The following ERBB4 variants were observed in gnomAD, a reference collection of about 807,000 sequenced individuals.
The protein encoded by ERBB4 is receptor tyrosine-protein kinase erbB-4.
In ERBB4, 42 loss-of-function variants were observed where a neutral mutation model predicts 158.0. That is an observed-to-expected ratio of 0.27 (90% CI 0.21 to 0.34). The LOEUF is 0.34. Among genes scored for constraint, ERBB4 ranks in the 10% least tolerant of loss-of-function variants. The pLI, the probability that ERBB4 is intolerant of heterozygous loss-of-function variation, is 1.00. For synonymous variants in ERBB4, 583 were observed against 558.7 expected (o/e 1.04, Z -0.61); for missense variants, 1,333 against 1,624.1 (o/e 0.82, Z 3.08).
At chr2:211,591,005 A>G (rs1319842327) in intron 19 of ERBB4, among the ~76,000 whole-genome samples, 1 of 152,252 alleles carries the variant, frequency 6.6e-6, no homozygotes, top group Non-Finnish European at 1.5e-5. Context: ...CACTTAAGCA[A>G]CATAACTGAC....
At chr2:212,335,519 A>C (rs2106306080) in intron 1 of ERBB4, among the ~76,000 whole-genome samples, 1 of 152,046 alleles carries the variant, frequency 6.6e-6, no homozygotes, top group South Asian at 2.1e-4. Flanking sequence ...TGTATGAAAA[A>C]CCTTGTTAAG....
intron 1 of ERBB4, among the ~76,000 whole-genome samples, chr2:212,385,359 G>A (rs1382830609): frequency 2.0e-5 from 3 of 151,682 alleles, no homozygotes; most frequent in African/African-American, 7.2e-5. Flanking sequence ...GGAAATCAGT[G>A]GACAACAATG....
At chr2:211,898,693 C>T (rs948352119) in intron 3 of ERBB4, among the ~76,000 whole-genome samples, 1 of 152,092 alleles carries the variant, frequency 6.6e-6, no homozygotes, top group African/African-American at 2.4e-5. Context: ...CTGACATTTT[C>T]AGGATCATTA....
intron 2 of ERBB4, among the ~76,000 whole-genome samples, chr2:211,986,143 A>G (rs1282246239): frequency 2.0e-5 from 3 of 152,200 alleles, no homozygotes; most frequent in Admixed American, 6.5e-5. Flanking sequence ...GACTGCCAGC[A>G]ATCACAGAAG....
chr2:211,779,943 T>C (rs1327469390), intron 4 of ERBB4, among the ~76,000 whole-genome samples: 1 of 152,158 alleles, frequency 6.6e-6, no homozygotes, highest in African/African-American at 2.4e-5. Flanking sequence ...GCCTTCAAAA[T>C]GCCACATCTC....
chr2:211,574,729 A>C (rs1178239995), intron 19 of ERBB4, among the ~76,000 whole-genome samples: 1 of 152,240 alleles, frequency 6.6e-6, no homozygotes, highest in East Asian at 1.9e-4. Flanking sequence ...GGAGAAAGAA[A>C]TAATTATTAA....
intron 1 of ERBB4, among the ~76,000 whole-genome samples, chr2:212,235,471 T>C (rs974133231): frequency 2.0e-5 from 3 of 152,196 alleles, no homozygotes; most frequent in Non-Finnish European, 4.4e-5. Context: ...TCGTTCCATA[T>C]AAAATTTAAA....
chr2:211,666,516 C>T lies in ERBB4; in HGVS notation c.1717-1039G>A, dbSNP rs372360383. 1.8e-3 allele frequency among the ~76,000 whole-genome samples: 268 copies of T among 152,162 alleles called. 1 individual carries two copies. Among genetic ancestry groups the T allele is most frequent in the African/African-American group, 5.4e-3 (226 of 41,528 alleles). On this transcript the variant is annotated intron_variant, in intron 14 of 27. Transcript: ENST00000342788. ...AAACATATATGAATTTTACAGAATA[C>T]AAACTGATTTGGATCTGGTATAATG...
chr2:211,575,111 A>G (rs73076967), intron 19 of ERBB4, among the ~76,000 whole-genome samples: 4,766 of 152,292 alleles, frequency 0.031, 251 homozygotes, highest in African/African-American at 0.11. Flanking sequence ...TCCAGTTCAC[A>G]TTGCATCCAT....
intron 1 of ERBB4, among the ~76,000 whole-genome samples, chr2:212,521,375 G>A (rs1692153193): frequency 6.6e-6 from 1 of 151,748 alleles, no homozygotes; most frequent in Non-Finnish European, 1.5e-5. Flanking sequence ...TCCTCAAATA[G>A]TCTACTTAAA....
chr2:212,134,011 A>G (rs1049529339), intron 1 of ERBB4, among the ~76,000 whole-genome samples: 1 of 152,000 alleles, frequency 6.6e-6, no homozygotes, highest in Admixed American at 6.6e-5. Flanking sequence ...TTCTAGGATA[A>G]TTTTTTTCAA....
At chr2:211,471,337 C>G (rs750943434) in intron 20 of ERBB4, among the ~76,000 whole-genome samples, 1 of 152,046 alleles carries the variant, frequency 6.6e-6, no homozygotes, top group African/African-American at 2.4e-5. Flanking sequence ...AAAATCTGAG[C>G]AAATTTAAAT....
chr2:212,444,083 C>T (rs2092305055), intron 1 of ERBB4, among the ~76,000 whole-genome samples: 1 of 152,150 alleles, frequency 6.6e-6, no homozygotes, highest in Admixed American at 6.5e-5. Flanking sequence ...GCTCAAATGC[C>T]CATGGTCTCC....
intron 1 of ERBB4, among the ~76,000 whole-genome samples, chr2:212,353,015 T>TA (rs2089318624): frequency 6.6e-6 from 1 of 152,140 alleles, no homozygotes. Flanking sequence ...AAATAACTGT[T>TA]AAAAATCCTT....
intron 20 of ERBB4, among the ~76,000 whole-genome samples, chr2:211,506,389 C>T (rs185058596): frequency 5.3e-5 from 8 of 152,174 alleles, no homozygotes; most frequent in Admixed American, 2.6e-4. Flanking sequence ...TGTACCTAAA[C>T]TGGACTCTAG....
intron 1 of ERBB4, among the ~76,000 whole-genome samples, chr2:212,365,318 G>A (rs2089846697): frequency 6.6e-6 from 1 of 151,548 alleles, no homozygotes. Context: ...CTTTACAGTT[G>A]TTTTGGAATA....
intron 2 of ERBB4, among the ~76,000 whole-genome samples, chr2:212,091,873 A>G (rs1010761073): frequency 1.3e-5 from 2 of 152,208 alleles, no homozygotes; most frequent in African/African-American, 4.8e-5. Flanking sequence ...AAGGCAAAGC[A>G]AAATTTATTA....
chr2:212,520,527 T>C (rs946659109), intron 1 of ERBB4, among the ~76,000 whole-genome samples: 25 of 151,954 alleles, frequency 1.6e-4, no homozygotes, highest in African/African-American at 5.8e-4. Context: ...GCCCATATTG[T>C]TCTGGAGCAC....
chr2:212,326,792 T>C (rs1363831886), intron 1 of ERBB4, among the ~76,000 whole-genome samples: 1 of 150,846 alleles, frequency 6.6e-6, no homozygotes, highest in African/African-American at 2.4e-5. Flanking sequence ...AGATTGGTAT[T>C]CTAGATCCAA....
Sources: gnomAD v4.1 joint callset for allele counts (sites outside exome capture counted in the v4.1 genomes callset) on GRCh38, gnomAD v4.1.1 for gene constraint, MANE v1.5 for transcripts, NCBI Gene and HGNC (gene_info 2026-07-23, HGNC 2026-07-21) for gene names.